Variants in SNX4 observed in about 807,000 individuals in gnomAD.
SNX4 encodes the protein sorting nexin-4.
In SNX4, 49 loss-of-function variants were observed where a neutral mutation model predicts 70.8. That is an observed-to-expected ratio of 0.69 (90% CI 0.55 to 0.88). The LOEUF (loss-of-function observed/expected upper bound fraction) is 0.88, where lower values mean the gene tolerates loss of function less well. SNX4 is among the 40% of genes least tolerant of loss of function. The probability of loss-of-function intolerance (pLI) is 0.00; values close to 1 mark genes in which losing one functional copy is unlikely to be tolerated. For missense variants in SNX4, 528 were observed against 544.8 expected (o/e 0.97, Z 0.31); for synonymous variants, 206 against 183.8 (o/e 1.12, Z -0.98).
Position 125,447,613 on chromosome 3 carries a change from T to C in SNX4, c.*166A>G, listed in dbSNP as rs1031306320. Reference sequence around the variant, plus strand: ...ATAATATTTAATCTTCATTAAAATATATTTTTTGTGCTACATTAACACGAC... The same window carrying C: ...ATAATATTTAATCTTCATTAAAATACATTTTTTGTGCTACATTAACACGAC... On this transcript the variant is annotated 3_prime_UTR_variant, in exon 14 of 14. Transcript: ENST00000251775. The C allele has an allele frequency of 4.1e-6, 2 of 487,746 alleles. No homozygotes were observed. Among genetic ancestry groups the C allele is most frequent in the Non-Finnish European group, 7.1e-6 (2 of 281,954 alleles). 30.2% of individuals were successfully genotyped at this position (487,746 alleles called of 1,614,324 possible).
At chr3:125,452,167 G>A (rs936395960) in intron 12 of SNX4, among the ~76,000 whole-genome samples, 5 of 151,510 alleles carry the variant, frequency 3.3e-5, no homozygotes, top group Non-Finnish European at 7.4e-5. Flanking sequence ...GTGCAGAGGC[G>A]TGATCTTGGC....
At chr3:125,475,428 G>C (rs1047908037) in intron 8 of SNX4, among the ~76,000 whole-genome samples, 1 of 152,054 alleles carries the variant, frequency 6.6e-6, no homozygotes, top group Non-Finnish European at 1.5e-5. Context: ...GCACTGGTGT[G>C]ATCTCAGCTC....
At chr3:125,477,621 A>G (rs1934315563) in intron 7 of SNX4, among the ~76,000 whole-genome samples, 1 of 152,178 alleles carries the variant, frequency 6.6e-6, no homozygotes, top group Non-Finnish European at 1.5e-5. Context: ...GAGGAATTAG[A>G]CATTAATGAT....
chr3:125,462,945 CG>C (rs1933921411), intron 9 of SNX4, among the ~76,000 whole-genome samples: 1 of 152,094 alleles, frequency 6.6e-6, no homozygotes, highest in African/African-American at 2.4e-5. Context: ...CACCTAGAGT[CG>C]GCCTCGTGTG....
chr3:125,486,075 G>A (rs1199914521), intron 6 of SNX4, among the ~76,000 whole-genome samples: 2 of 152,022 alleles, frequency 1.3e-5, no homozygotes, highest in East Asian at 1.9e-4. Flanking sequence ...TCCTGACCTC[G>A]TGATCCACCC....
chr3:125,513,937 C>G (rs1005691429), intron 1 of SNX4, among the ~76,000 whole-genome samples: 3 of 152,068 alleles, frequency 2.0e-5, no homozygotes, highest in African/African-American at 7.2e-5. Flanking sequence ...AGTCAGAGAT[C>G]AAGGAACTGG....
chr3:125,451,494 T>C (rs553497179), intron 12 of SNX4, 75 bp from the exon 13 acceptor site: 53 of 1,050,214 alleles, frequency 5.0e-5, no homozygotes, highest in South Asian at 3.1e-4. Context: ...CCAGTTCTCA[T>C]TGGCGTTGGT....
chr3:125,460,903 A>C (rs780514818), intron 9 of SNX4, 43 bp from the exon 10 acceptor site: 3 of 975,020 alleles, frequency 3.1e-6, no homozygotes, highest in South Asian at 3.4e-5. Context: ...AGTTACTTTC[A>C]TTGGAATACA....
chr3:125,519,313 C>T (rs1321141369), intron 1 of SNX4, among the ~76,000 whole-genome samples: 1 of 152,126 alleles, frequency 6.6e-6, no homozygotes, highest in African/African-American at 2.4e-5. Flanking sequence ...TTCCCCTTTT[C>T]CTCAAGCAAA....
intron 8 of SNX4, among the ~76,000 whole-genome samples, chr3:125,470,756 C>G (rs1191058261): frequency 6.6e-6 from 1 of 152,128 alleles, no homozygotes; most frequent in African/African-American, 2.4e-5. Flanking sequence ...TGGTGTTCAT[C>G]AAGGATAAAA....
chr3:125,502,768 C>T (rs1363234722), intron 2 of SNX4, among the ~76,000 whole-genome samples: 1 of 147,638 alleles, frequency 6.8e-6, no homozygotes, highest in East Asian at 2.0e-4. Flanking sequence ...GCAGGTGAAT[C>T]ACTTGAACTC....
intron 1 of SNX4, among the ~76,000 whole-genome samples, chr3:125,519,685 GCGA>G (rs1303805765): frequency 6.6e-6 from 1 of 151,970 alleles, no homozygotes; most frequent in African/African-American, 2.4e-5. Context: ...TCCCAGCTAC[GCGA>G]CCACTGAAAA....
At chr3:125,509,057 G>A (rs1935109284) in intron 1 of SNX4, among the ~76,000 whole-genome samples, 1 of 152,186 alleles carries the variant, frequency 6.6e-6, no homozygotes, top group South Asian at 2.1e-4. Context: ...AACAGGCCAG[G>A]CGTGGTGGCT....
chr3:125,483,635 G>A (rs1559817636), intron 6 of SNX4, among the ~76,000 whole-genome samples: 1 of 152,140 alleles, frequency 6.6e-6, no homozygotes, highest in East Asian at 1.9e-4. Flanking sequence ...TCTTGTGAGG[G>A]GAGAGGAGTG....
intron 2 of SNX4, among the ~76,000 whole-genome samples, chr3:125,499,244 C>A (rs992097865): frequency 1.3e-5 from 2 of 152,202 alleles, no homozygotes; most frequent in Admixed American, 1.3e-4. Flanking sequence ...AAGCACCAGT[C>A]TTCTAAACAT....
At chr3:125,479,046 G>T (rs1355070630) in intron 7 of SNX4, among the ~76,000 whole-genome samples, 1 of 152,098 alleles carries the variant, frequency 6.6e-6, no homozygotes. Context: ...ACCTTCAGAA[G>T]AATTTTTTCC....
At chr3:125,489,765 T>C (rs1029625751) in intron 5 of SNX4, among the ~76,000 whole-genome samples, 1 of 152,090 alleles carries the variant, frequency 6.6e-6, no homozygotes, top group Non-Finnish European at 1.5e-5. Flanking sequence ...GAAGAGGTCA[T>C]GTGAAAACAG....
intron 8 of SNX4, among the ~76,000 whole-genome samples, chr3:125,469,808 A>G (rs1934121661): frequency 6.6e-6 from 1 of 151,434 alleles, no homozygotes; most frequent in South Asian, 2.1e-4. Flanking sequence ...GATTTAAATC[A>G]TTTGTAAAGC....
intron 13 of SNX4, among the ~76,000 whole-genome samples, chr3:125,449,418 C>CAA (rs1212260769): frequency 2.0e-5 from 2 of 101,792 alleles, no homozygotes; most frequent in Non-Finnish European, 4.1e-5. Flanking sequence ...GACTCTGTCT[C>CAA]AAAAAAAAAA....
Sources: allele counts gnomAD v4.1 joint callset (sites outside exome capture counted in the v4.1 genomes callset), GRCh38; gene constraint gnomAD v4.1.1; transcripts MANE v1.5; gene names NCBI Gene and HGNC (gene_info 2026-07-23, HGNC 2026-07-21).